Variants in PLEK observed in about 807,000 individuals in gnomAD.
The protein encoded by PLEK is platelet 47 kDa protein.
A neutral mutation model predicts 43.9 loss-of-function variants in PLEK; 25 were observed. The ratio of observed to expected loss-of-function variants is 0.57; its 90% CI spans 0.41 to 0.79. The LOEUF (loss-of-function observed/expected upper bound fraction) is 0.79, where lower values mean the gene tolerates loss of function less well. PLEK is among the 30% of genes least tolerant of loss of function. The pLI is 0.00. For missense variants in PLEK, 396 were observed against 413.3 expected (o/e 0.96, Z 0.36); for synonymous variants, 152 against 144.4 (o/e 1.05, Z -0.38).
chr2:68,382,462 A>G lies in PLEK; in HGVS notation c.381-80A>G. On this transcript the variant is annotated intron_variant, in intron 3 of 8. Transcript: ENST00000234313. ...TGTGCTCACCTCCCAGAGAGAACTT[A>G]CCATTCTGAAATGTTCCCCACTCAT... The G allele has an allele frequency of 1.1e-5, 9 of 803,640 alleles. No homozygotes were observed. The South Asian group carries it at 1.2e-4, about 11-fold the overall frequency. 49.8% of individuals were successfully genotyped at this position (803,640 alleles called of 1,614,324 possible). A position where few individuals can be genotyped will look rare whatever the true frequency, so the allele number is the denominator to read the frequency against.
chr2:68,388,223 C>G, intron 5 of PLEK, 164 bp from the exon 6 acceptor site: 1 of 539,454 alleles, frequency 1.9e-6, no homozygotes, highest in Non-Finnish European at 3.4e-6. Context: ...GGAGGAGAAA[C>G]TCGCTCATCA....
At chr2:68,388,315 G>T in intron 5 of PLEK, 72 bp from the exon 6 acceptor site, 1 of 836,876 alleles carries the variant, frequency 1.2e-6, no homozygotes, top group Non-Finnish European at 2.1e-6. Flanking sequence ...GAGGGGAGGG[G>T]GAATGGAGAT....
At chr2:68,366,647 C>T (rs1673279994) in intron 1 of PLEK, among the ~76,000 whole-genome samples, 1 of 152,144 alleles carries the variant, frequency 6.6e-6, no homozygotes. Context: ...ATAAGTGGGC[C>T]CTCAGCTGCT....
chr2:68,388,652 G>A (rs1239204404), intron 6 of PLEK, among the ~76,000 whole-genome samples, 161 bp downstream of exon 6: 1 of 152,100 alleles, frequency 6.6e-6, no homozygotes, highest in Admixed American at 6.6e-5. Context: ...TATCAAAGTG[G>A]CTTTAGATCA....
At chr2:68,366,297 T>C (rs2103752264) in intron 1 of PLEK, among the ~76,000 whole-genome samples, 1 of 152,392 alleles carries the variant, frequency 6.6e-6, no homozygotes, top group South Asian at 2.1e-4. Flanking sequence ...GGCTACTCAT[T>C]TGTTTCACGT....
chr2:68,397,115 A>G lies in PLEK; in HGVS notation c.*1299A>G, dbSNP rs139611622. The G allele has an allele frequency of 6.6e-6, 1 of 152,324 alleles. No individual in the cohort carries two copies. Among genetic ancestry groups the G allele is most frequent in the African/African-American group, 2.4e-5 (1 of 41,566 alleles). The allele number at this position is 152,324 out of a possible 1,614,324, so 9.4% of individuals were successfully genotyped here. A position where few individuals can be genotyped will look rare whatever the true frequency, so the allele number is the denominator to read the frequency against. On this transcript the variant is annotated 3_prime_UTR_variant, in exon 9 of 9. Coordinates refer to ENST00000234313, the MANE Select transcript of PLEK (RefSeq NM_002664.3). ...ATTCTTCTCCAAAATTGAGAAAGAC[A>G]GCACCCATTGAAGCAGATATGTGTG...
chr2:68,388,314 G>A (rs1198159130), intron 5 of PLEK, 73 bp from the exon 6 acceptor site: 2 of 830,410 alleles, frequency 2.4e-6, no homozygotes, highest in Admixed American at 3.4e-5. Context: ...GGAGGGGAGG[G>A]GGAATGGAGA....
At chr2:68,379,080 G>A (rs1031009618) in intron 1 of PLEK, among the ~76,000 whole-genome samples, 2 of 152,174 alleles carry the variant, frequency 1.3e-5, no homozygotes, top group Non-Finnish European at 2.9e-5. Flanking sequence ...CTTGCAGTGA[G>A]CTGAGATCAT....
At chr2:68,366,314 C>T (rs1673273538) in intron 1 of PLEK, among the ~76,000 whole-genome samples, 1 of 152,176 alleles carries the variant, frequency 6.6e-6, no homozygotes, top group African/African-American at 2.4e-5. Context: ...ACGTTTTAAC[C>T]TACAATGTTC....
intron 1 of PLEK, among the ~76,000 whole-genome samples, chr2:68,367,273 T>C (rs1673296471): frequency 6.6e-6 from 1 of 151,840 alleles, no homozygotes; most frequent in African/African-American, 2.4e-5. Context: ...TTTATTCTTC[T>C]AAAACTTTAA....
chr2:68,380,527 T>G, intron 2 of PLEK, 44 bp downstream of exon 2: 1 of 1,588,306 alleles, frequency 6.3e-7, no homozygotes, highest in East Asian at 2.2e-5. Flanking sequence ...GGTCAGGCAC[T>G]CAACTTTTGG....
chr2:68,394,148 G>A lies in PLEK; in HGVS notation c.888G>A (p.Val296=). ...PLGAIHLRGC[V]VTSVESNSNG... ...GAGCAATTCACTTGAGAGGCTGTGT[G>A]GTGACTTCAGTGGAGAGCAACTCAA... Residue 296 remains valine (V), a synonymous_variant, in exon 8 of 9, where the codon GTG becomes GTA. Transcript: ENST00000234313. The A allele has an allele frequency of 1.2e-6, 2 of 1,610,012 alleles. No individual in the cohort carries two copies. Among genetic ancestry groups the A allele is most frequent in the Non-Finnish European group, 1.7e-6 (2 of 1,176,326 alleles).
intron 1 of PLEK, among the ~76,000 whole-genome samples, chr2:68,365,933 A>G (rs1199485562): frequency 6.6e-6 from 1 of 152,094 alleles, no homozygotes; most frequent in Non-Finnish European, 1.5e-5. Flanking sequence ...AAATCTCTTC[A>G]CTCACAATTC....
At chr2:68,371,213 A>G (rs956313962) in intron 1 of PLEK, among the ~76,000 whole-genome samples, 31 of 152,332 alleles carry the variant, frequency 2.0e-4, no homozygotes, top group African/African-American at 7.0e-4. Flanking sequence ...TTCTCTTGTT[A>G]GGGAACTCAC....
chr2:68,374,331 C>A (rs777095169), intron 1 of PLEK, among the ~76,000 whole-genome samples: 1 of 152,136 alleles, frequency 6.6e-6, no homozygotes. Flanking sequence ...TTCTGCATAG[C>A]GGCTTTGAAA....
At chr2:68,395,596 A>G (rs2103789311) in intron 8 of PLEK, 84 bp from the exon 9 acceptor site, 3 of 1,430,466 alleles carry the variant, frequency 2.1e-6, no homozygotes, top group Non-Finnish European at 3.0e-6. Flanking sequence ...AAGAAAACAG[A>G]GATTTCATGG....
chr2:68,388,824 A>C (rs1673802674), intron 6 of PLEK, among the ~76,000 whole-genome samples: 1 of 152,210 alleles, frequency 6.6e-6, no homozygotes. Flanking sequence ...CTCATGGTAA[A>C]AGTACTTCCA....
chr2:68,370,994 T>G (rs1673388367), intron 1 of PLEK, among the ~76,000 whole-genome samples: 2 of 152,110 alleles, frequency 1.3e-5, no homozygotes, highest in South Asian at 2.1e-4. Flanking sequence ...TTTCAAAGAT[T>G]TATTATTATT....
In PLEK at chr2:68,386,555, G is replaced by A. The variant is rs1181087946; in HGVS notation, c.526G>A (p.Glu176Lys). The change falls in exon 5 of 9, where the codon GAA becomes AAA. Residue 176 changes from glutamate (E) to lysine (K), a missense_variant. Physicochemically the swap from Glu to Lys is moderately conservative, Grantham distance 56. Transcript: ENST00000234313. ...VSNQSVRNRQEGLMIASSLLN... is the reference protein window; with the variant it reads ...VSNQSVRNRQKGLMIASSLLN... ...CAACCAGTCTGTTAGGAATCGCCAG[G>A]AAGGCCTCATGATTGCTTCATCGCT... 6.2e-7 allele frequency: 1 copy of A among 1,613,892 alleles called. No individual in the cohort carries two copies. Among genetic ancestry groups the A allele is most frequent in the Admixed American group, 1.7e-5 (1 of 59,996 alleles).
Sources: gnomAD v4.1 joint callset for allele counts (sites outside exome capture counted in the v4.1 genomes callset) on GRCh38, gnomAD v4.1.1 for gene constraint, MANE v1.5 for transcripts, NCBI Gene and HGNC (gene_info 2026-07-23, HGNC 2026-07-21) for gene names.